Variants in TRPM7 observed in about 807,000 individuals in gnomAD.
TRPM7 encodes the protein LTRPC ion channel family member 7.
In TRPM7, 134 loss-of-function variants were observed where a neutral mutation model predicts 229.7. The observed-to-expected ratio is 0.58, with a 90% CI of 0.51 to 0.67. The LOEUF (loss-of-function observed/expected upper bound fraction) is 0.67. TRPM7 is among the 30% of genes least tolerant of loss of function. The probability of loss-of-function intolerance (pLI) is 0.00; values close to 1 mark genes in which losing one functional copy is unlikely to be tolerated. For missense variants in TRPM7, 1,901 were observed against 2,210.0 expected (o/e 0.86, Z 2.80); for synonymous variants, 699 against 715.2 (o/e 0.98, Z 0.36).
At chr15:50,590,292 G>A (rs2059454577) in intron 26 of TRPM7, among the ~76,000 whole-genome samples, 1 of 151,542 alleles carries the variant, frequency 6.6e-6, no homozygotes, top group African/African-American at 2.4e-5. Flanking sequence ...AAAAAAAAAA[G>A]CATTACATAT....
intron 2 of TRPM7, among the ~76,000 whole-genome samples, chr15:50,661,514 T>C (rs2061723728): frequency 6.6e-6 from 1 of 152,192 alleles, no homozygotes; most frequent in Admixed American, 6.5e-5. Flanking sequence ...AATGGAAATG[T>C]GTTTGTTGTG....
intron 12 of TRPM7, among the ~76,000 whole-genome samples, chr15:50,622,780 G>A (rs2060448488): frequency 6.6e-6 from 1 of 152,150 alleles, no homozygotes; most frequent in African/African-American, 2.4e-5. Flanking sequence ...CAGCTACTCA[G>A]GAGGCTGAGG....
chr15:50,667,132 C>T (rs1272512637), intron 1 of TRPM7, among the ~76,000 whole-genome samples: 1 of 152,070 alleles, frequency 6.6e-6, no homozygotes, highest in Non-Finnish European at 1.5e-5. Context: ...TTGGCCGACT[C>T]TGGGGGTGTC....
intron 11 of TRPM7, among the ~76,000 whole-genome samples, chr15:50,626,137 A>G (rs1272028742): frequency 6.6e-6 from 1 of 152,178 alleles, no homozygotes; most frequent in African/African-American, 2.4e-5. Flanking sequence ...GATTCTTATT[A>G]TAACTGCAGG....
At chr15:50,604,639 A>C (rs1217399812) in intron 21 of TRPM7, 2 of 358,464 alleles carry the variant, frequency 5.6e-6, no homozygotes, top group Admixed American at 4.4e-5. Context: ...TACAGACATA[A>C]ACCATAGATG....
At chr15:50,611,042 G>T in intron 17 of TRPM7, 51 bp downstream of exon 17, 1 of 1,427,004 alleles carries the variant, frequency 7.0e-7, no homozygotes, top group Non-Finnish European at 9.8e-7. Flanking sequence ...TAATTCTTCT[G>T]TTCTTTTTAT....
intron 6 of TRPM7, among the ~76,000 whole-genome samples, chr15:50,638,679 T>C (rs555909151): frequency 6.8e-6 from 1 of 147,664 alleles, no homozygotes; most frequent in South Asian, 2.1e-4. Flanking sequence ...AGTAATTGTA[T>C]GTATGTATGT....
Position 50,612,694 on chromosome 15 carries a change from C to G in TRPM7, c.1906G>C (p.Val636Leu), listed in dbSNP as rs775740544. ...TGTTGCCATAAAAAACGGGCCATGACCTGCCTCTTCATAAGGCAAGCCCAA... is the reference window on the plus strand; with the variant it reads ...TGTTGCCATAAAAAACGGGCCATGAGCTGCCTCTTCATAAGGCAAGCCCAA... ...LIWACLMKRQ[V>L]MARFLWQHGE... The change falls in exon 16 of 39, where the codon GTC (valine) becomes CTC (leucine). Residue 636 changes from valine to leucine, a missense_variant. Coordinates refer to ENST00000646667, the MANE Select transcript of TRPM7 (RefSeq NM_017672.6). The G allele has an allele frequency of 6.2e-7, 1 of 1,614,142 alleles. No individual in the cohort carries two copies. The highest frequency in any genetic ancestry group is 8.5e-7 in the Non-Finnish European group (1 of 1,180,022).
chr15:50,566,240 T>G (rs947403402), intron 38 of TRPM7, among the ~76,000 whole-genome samples: 1 of 152,110 alleles, frequency 6.6e-6, no homozygotes, highest in African/African-American at 2.4e-5. Flanking sequence ...TTTTAAACTA[T>G]TTAAGAACTA....
Position 50,639,426 on chromosome 15 carries a change from C to A in TRPM7, c.658G>T (p.Asp220Tyr). 1 of 1,574,590 alleles carries A rather than the reference C, an allele frequency of 6.4e-7. No individual in the cohort carries two copies. Among genetic ancestry groups the A allele is most frequent in the Non-Finnish European group, 8.6e-7 (1 of 1,159,632 alleles). ...IENRNDLVGRDVVAPYQTLLN... is the reference protein window; with the variant it reads ...IENRNDLVGRYVVAPYQTLLN... ...GAAATTTTAAAAATAATTCTTACAT[C>A]TCTCCCAACAAGATCATTTCTGTTT... Residue 220 changes from aspartate (D) to tyrosine (Y), a missense_variant and splice_region_variant, in exon 6 of 39, where the codon GAT becomes TAT. Physicochemically the swap from Asp to Tyr is radical, Grantham distance 160. Coordinates refer to ENST00000646667, the MANE Select transcript of TRPM7 (RefSeq NM_017672.6).
At position 50,571,959 on chromosome 15, in the gene TRPM7, G is replaced by A. The variant is rs544099290; in HGVS notation, c.5309-1804C>T. Reference sequence around the variant, plus strand: ...GTAAAATGTTATCAAATGGCACTGCGTGCTACAGAAGTCCTTCATGAAAGG... The same window carrying A: ...GTAAAATGTTATCAAATGGCACTGCATGCTACAGAAGTCCTTCATGAAAGG... On this transcript the variant is annotated intron_variant, in intron 36 of 38. Coordinates refer to ENST00000646667, the MANE Select transcript of TRPM7 (RefSeq NM_017672.6). Among the ~76,000 whole-genome samples, 10 of 152,310 alleles carry A rather than the reference G, an allele frequency of 6.6e-5. 1 individual carries two copies. The highest frequency in any genetic ancestry group is 6.8e-3 in the Middle Eastern group (2 of 294).
chr15:50,586,052 A>G (rs1009448279), intron 28 of TRPM7, among the ~76,000 whole-genome samples: 4 of 152,248 alleles, frequency 2.6e-5, no homozygotes, highest in Admixed American at 2.6e-4. Flanking sequence ...ATGATTTTTA[A>G]AAGTTAAACT....
At chr15:50,593,777 A>G in intron 24 of TRPM7, 28 bp from the exon 25 acceptor site, 1 of 1,589,232 alleles carries the variant, frequency 6.3e-7, no homozygotes, top group African/African-American at 1.4e-5. Context: ...GAAGAAAATC[A>G]AGGAAGAGCT....
chr15:50,683,946 C>T (rs12148574), intron 1 of TRPM7, among the ~76,000 whole-genome samples: 2 of 152,014 alleles, frequency 1.3e-5, no homozygotes, highest in East Asian at 1.9e-4. Flanking sequence ...CTGCAACCTC[C>T]GCCTCCAAGT....
intron 1 of TRPM7, among the ~76,000 whole-genome samples, chr15:50,673,389 C>T (rs1302467919): frequency 6.6e-6 from 1 of 152,090 alleles, no homozygotes; most frequent in Non-Finnish European, 1.5e-5. Context: ...ACACACTGCA[C>T]CCTATTTGTA....
At chr15:50,589,521 T>G in intron 27 of TRPM7, 71 bp downstream of exon 27, 1 of 1,112,424 alleles carries the variant, frequency 9.0e-7, no homozygotes, top group African/African-American at 1.6e-5. Context: ...AATGTTTAAT[T>G]AAATTTTGAA....
At chr15:50,646,418 G>A (rs553465572) in intron 4 of TRPM7, among the ~76,000 whole-genome samples, 3 of 152,156 alleles carry the variant, frequency 2.0e-5, no homozygotes, top group East Asian at 1.9e-4. Context: ...AAGTAGCTGG[G>A]ACTACAGGCG....
intron 5 of TRPM7, 58 bp downstream of exon 5, chr15:50,643,282 C>T (rs1225249298): frequency 3.7e-5 from 52 of 1,399,222 alleles, no homozygotes; most frequent in South Asian, 9.7e-5. Context: ...AGTGAGAGTC[C>T]GTCTCAAAAA....
chr15:50,594,155 TA>T (rs1185493040), intron 24 of TRPM7, among the ~76,000 whole-genome samples: 1 of 152,222 alleles, frequency 6.6e-6, no homozygotes, highest in East Asian at 1.9e-4. Context: ...TACAGAGCTG[TA>T]AAAATGGTTT....
Sources: gnomAD v4.1 joint callset for allele counts (sites outside exome capture counted in the v4.1 genomes callset) on GRCh38, gnomAD v4.1.1 for gene constraint, MANE v1.5 for transcripts, NCBI Gene and HGNC (gene_info 2026-07-23, HGNC 2026-07-21) for gene names.